FGGY: variants seen among roughly 807,000 people sequenced by gnomAD.
FGGY encodes FGGY carbohydrate kinase domain containing, also known as FGGY carbohydrate kinase domain-containing protein.
A neutral mutation model predicts 71.3 loss-of-function variants in FGGY; 72 were observed. That is an observed-to-expected ratio of 1.01 (90% CI 0.84 to 1.23). The LOEUF (loss-of-function observed/expected upper bound fraction) is 1.23. Among genes scored for constraint, FGGY ranks in the 50% most tolerant of loss-of-function variants. The pLI, the probability that FGGY is intolerant of heterozygous loss-of-function variation, is 0.00. For synonymous variants in FGGY, 251 were observed against 250.3 expected (o/e 1.00, Z -0.02); for missense variants, 668 against 682.3 (o/e 0.98, Z 0.23).
intron 1 of FGGY, among the ~76,000 whole-genome samples, chr1:59,314,751 C>G (rs768009919): frequency 1.3e-5 from 2 of 152,180 alleles, no homozygotes; most frequent in Non-Finnish European, 2.9e-5. Flanking sequence ...TTATTGAGTA[C>G]CTACTGCATA....
intron 6 of FGGY, among the ~76,000 whole-genome samples, chr1:59,469,248 G>A (rs1367743532): frequency 6.6e-6 from 1 of 152,226 alleles, no homozygotes. Context: ...GAATACTTGA[G>A]GTTGGGTGAT....
At chr1:59,649,951 T>G (rs1367238699) in intron 11 of FGGY, among the ~76,000 whole-genome samples, 2 of 146,676 alleles carry the variant, frequency 1.4e-5, no homozygotes, top group East Asian at 1.9e-4. Flanking sequence ...TTGAGAGTTT[T>G]TAGCATGAAG....
rs111978303 is a variant in FGGY, at chr1:59,656,198, G to A, written c.1222-4021G>A. ...GCTTCCCTACACATTTGTCTGTCTC[G>A]CCCAAACATTCAAAATAGGCACAGG... On this transcript the variant is annotated intron_variant, in intron 11 of 15. Transcript: ENST00000303721. 9.7e-4 allele frequency among the ~76,000 whole-genome samples: 147 copies of A among 152,060 alleles called. 2 individuals are homozygous for A. The highest frequency in any genetic ancestry group is 3.2e-3 in the African/African-American group (133 of 41,454).
chr1:59,455,230 A>G (rs116020623), intron 5 of FGGY, among the ~76,000 whole-genome samples: 139 of 152,344 alleles, frequency 9.1e-4, no homozygotes, highest in African/African-American at 3.3e-3. Flanking sequence ...AGGTATGTCC[A>G]GATTGGAACT....
At chr1:59,446,672 C>G (rs181072196) in intron 5 of FGGY, among the ~76,000 whole-genome samples, 2 of 152,244 alleles carry the variant, frequency 1.3e-5, no homozygotes, top group East Asian at 3.9e-4. Flanking sequence ...AAAAACAGAG[C>G]CATCAGAGGC....
intron 15 of FGGY, among the ~76,000 whole-genome samples, chr1:59,760,537 A>G (rs1439597475): frequency 6.6e-6 from 1 of 152,364 alleles, no homozygotes; most frequent in East Asian, 1.9e-4. Flanking sequence ...AAATCATGAG[A>G]GCAACCTAAG....
At chr1:59,369,218 G>A (rs529801944) in intron 4 of FGGY, among the ~76,000 whole-genome samples, 7 of 149,894 alleles carry the variant, frequency 4.7e-5, no homozygotes, top group South Asian at 2.1e-4. Flanking sequence ...CCGATACTGC[G>A]CTTTTCCGAC....
chr1:59,504,055 A>G (rs563587264), intron 6 of FGGY, among the ~76,000 whole-genome samples: 4 of 152,138 alleles, frequency 2.6e-5, no homozygotes, highest in East Asian at 1.9e-4. Context: ...TTTTTGTCCA[A>G]TCATATTTTT....
At chr1:59,387,894 A>C (rs540870133) in intron 5 of FGGY, among the ~76,000 whole-genome samples, 4 of 152,134 alleles carry the variant, frequency 2.6e-5, no homozygotes, top group Non-Finnish European at 4.4e-5. Flanking sequence ...ATTAATCCTC[A>C]TACTCCCTTA....
intron 7 of FGGY, among the ~76,000 whole-genome samples, chr1:59,526,353 A>C (rs2094978147): frequency 6.6e-6 from 1 of 152,232 alleles, no homozygotes; most frequent in Non-Finnish European, 1.5e-5. Context: ...TTGTGTAAAA[A>C]GCAAGGCAGA....
At chr1:59,421,326 T>A (rs561504688) in intron 5 of FGGY, among the ~76,000 whole-genome samples, 5 of 152,340 alleles carry the variant, frequency 3.3e-5, no homozygotes, top group African/African-American at 1.2e-4. Context: ...TCTTTTTAAT[T>A]ATGATATTGA....
intron 8 of FGGY, among the ~76,000 whole-genome samples, chr1:59,588,124 G>A (rs2096347720): frequency 6.6e-6 from 1 of 152,214 alleles, no homozygotes; most frequent in South Asian, 2.1e-4. Flanking sequence ...TGAAAGCCAA[G>A]GCTCGAGAAC....
At chr1:59,443,790 C>T (rs1395906610) in intron 5 of FGGY, among the ~76,000 whole-genome samples, 2 of 152,194 alleles carry the variant, frequency 1.3e-5, no homozygotes, top group African/African-American at 4.8e-5. Flanking sequence ...TTTTCTGTCT[C>T]TTCTGAGTGA....
At chr1:59,700,151 T>G (rs2097698149) in intron 14 of FGGY, among the ~76,000 whole-genome samples, 1 of 152,236 alleles carries the variant, frequency 6.6e-6, no homozygotes, top group African/African-American at 2.4e-5. Context: ...TGTACTACAT[T>G]AAGTTCAAAA....
chr1:59,667,469 C>A, intron 13 of FGGY, 66 bp downstream of exon 13: 1 of 1,582,470 alleles, frequency 6.3e-7, no homozygotes, highest in South Asian at 1.1e-5. Flanking sequence ...TGGCCAAGTT[C>A]TGGGTGAAGT....
At chr1:59,301,510 C>T (rs2153077902) in intron 1 of FGGY, among the ~76,000 whole-genome samples, 1 of 152,260 alleles carries the variant, frequency 6.6e-6, no homozygotes, top group East Asian at 1.9e-4. Flanking sequence ...GACATCTTGC[C>T]TTCTTCCTGA....
At chr1:59,384,443 A>C (rs1014411413) in intron 5 of FGGY, among the ~76,000 whole-genome samples, 7 of 152,196 alleles carry the variant, frequency 4.6e-5, no homozygotes, top group Non-Finnish European at 1.5e-5. Context: ...AGGTGAAACA[A>C]GGAACCCCTC....
chr1:59,475,883 T>C (rs1157292595), intron 6 of FGGY, among the ~76,000 whole-genome samples: 6 of 152,222 alleles, frequency 3.9e-5, no homozygotes, highest in Admixed American at 1.3e-4. Context: ...GTAAATCAGA[T>C]CATGTTACTC....
chr1:59,539,824 G>T (rs1280173912), intron 7 of FGGY, among the ~76,000 whole-genome samples: 1 of 152,164 alleles, frequency 6.6e-6, no homozygotes, highest in Admixed American at 6.5e-5. Flanking sequence ...CCACAAAGTG[G>T]AAGGAAATAG....
Sources: allele counts gnomAD v4.1 joint callset (sites outside exome capture counted in the v4.1 genomes callset), GRCh38; gene constraint gnomAD v4.1.1; transcripts MANE v1.5; gene names NCBI Gene and HGNC (gene_info 2026-07-23, HGNC 2026-07-21).